CELF2: variants seen among roughly 807,000 people sequenced by gnomAD.
The protein encoded by CELF2 is CUGBP Elav-like family member 2.
In CELF2, 8 loss-of-function variants were observed where a neutral mutation model predicts 62.6. That is an observed-to-expected ratio of 0.13 (90% CI 0.07 to 0.23). The LOEUF (loss-of-function observed/expected upper bound fraction) is 0.23. Among genes scored for constraint, CELF2 ranks in the 10% least tolerant of loss-of-function variants. The pLI is 1.00. For synonymous variants in CELF2, 258 were observed against 250.0 expected, an observed-to-expected ratio of 1.03 and a Z score of -0.30; for missense variants, 333 against 671.0, an observed-to-expected ratio of 0.50 and a Z score of 5.56.
rs559712311 is a variant in CELF2, at chr10:11,279,443, C to G, written c.841+4323C>G. Among the ~76,000 whole-genome samples, 233 of 152,208 alleles carry G rather than the reference C, an allele frequency of 1.5e-3. 1 individual carries two copies. The highest frequency in any genetic ancestry group is 5.2e-3 in the African/African-American group (217 of 41,518). ...CAGTGTATCGGAGGTCTGAGAATGT[C>G]GAATTGGAGGCGCTCCCGGAGTGGT... On this transcript the variant is annotated intron_variant, in intron 8 of 12. Coordinates refer to ENST00000633077, the MANE Select transcript of CELF2 (RefSeq NM_001326342.2).
the CELF2 span, among the ~76,000 whole-genome samples, chr10:10,565,535 G>A: frequency 6.6e-6 from 1 of 152,218 alleles, no homozygotes; most frequent in Non-Finnish European, 1.5e-5. Flanking sequence ...GATGAGCAAC[G>A]CCGCTCCTTA....
chr10:11,167,561 A>G (rs75955798), intron 2 of CELF2, among the ~76,000 whole-genome samples: 1,859 of 152,330 alleles, frequency 0.012, 35 homozygotes, highest in African/African-American at 0.043. Flanking sequence ...TCAGGTAAGT[A>G]CCTATGTGTG....
At chr10:10,696,624 A>C in the CELF2 span, among the ~76,000 whole-genome samples, 1 of 151,616 alleles carries the variant, frequency 6.6e-6, no homozygotes, top group Non-Finnish European at 1.5e-5. Flanking sequence ...TTGCAGTTTG[A>C]TCTCAGACTG....
chr10:10,680,486 T>G, the CELF2 span, among the ~76,000 whole-genome samples: 2 of 152,212 alleles, frequency 1.3e-5, no homozygotes, highest in African/African-American at 4.8e-5. Flanking sequence ...AGACAGTGCT[T>G]TCTTCTCCCA....
chr10:10,495,394 A>T, the CELF2 span, among the ~76,000 whole-genome samples: 1 of 152,220 alleles, frequency 6.6e-6, no homozygotes, highest in South Asian at 2.1e-4. Context: ...ACCATGATGT[A>T]TGTGGACAGA....
the CELF2 span, among the ~76,000 whole-genome samples, chr10:10,514,190 C>G: frequency 6.6e-6 from 1 of 152,200 alleles, no homozygotes; most frequent in Non-Finnish European, 1.5e-5. Flanking sequence ...TGATTTCAAA[C>G]ACTGTAGAAT....
chr10:11,051,072 A>G (rs1341018626), intron 1 of CELF2, among the ~76,000 whole-genome samples: 1 of 152,202 alleles, frequency 6.6e-6, no homozygotes, highest in African/African-American at 2.4e-5. Context: ...GACAGATCTA[A>G]TGTTGCCTTC....
chr10:10,622,955 C>T, the CELF2 span, among the ~76,000 whole-genome samples: 1 of 151,496 alleles, frequency 6.6e-6, no homozygotes, highest in Non-Finnish European at 1.5e-5. Context: ...TGGTGGCGGG[C>T]GCCTGTAGTC....
At chr10:10,614,408 C>T in the CELF2 span, among the ~76,000 whole-genome samples, 1 of 152,104 alleles carries the variant, frequency 6.6e-6, no homozygotes, top group Non-Finnish European at 1.5e-5. Context: ...CCAGCAGCCA[C>T]ATCCGGAAGG....
At chr10:10,940,823 C>T (rs1441884962) in intron 2 of CELF2, among the ~76,000 whole-genome samples, 1 of 152,104 alleles carries the variant, frequency 6.6e-6, no homozygotes, top group Non-Finnish European at 1.5e-5. Flanking sequence ...GCTTTTCCTT[C>T]CAAAAATATA....
At chr10:10,590,272 G>A in the CELF2 span, among the ~76,000 whole-genome samples, 1 of 152,168 alleles carries the variant, frequency 6.6e-6, no homozygotes, top group African/African-American at 2.4e-5. Flanking sequence ...ATGGGGTCAA[G>A]AAAAGATTGG....
intron 4 of CELF2, among the ~76,000 whole-genome samples, chr10:11,250,693 A>G (rs1208455531): frequency 6.6e-6 from 1 of 152,270 alleles, no homozygotes; most frequent in Non-Finnish European, 1.5e-5. Flanking sequence ...TTAAGTATCC[A>G]GAAGTCACTT....
At chr10:10,474,417 T>G in the CELF2 span, among the ~76,000 whole-genome samples, 1 of 152,080 alleles carries the variant, frequency 6.6e-6, no homozygotes, top group African/African-American at 2.4e-5. Context: ...GTTGACAAAC[T>G]GTAGAAAGCC....
At chr10:11,250,957 C>T (rs2076944215) in intron 4 of CELF2, among the ~76,000 whole-genome samples, 1 of 152,222 alleles carries the variant, frequency 6.6e-6, no homozygotes. Context: ...AGCCCTTGTG[C>T]TCCAGAGGTG....
At chr10:10,634,903 A>T in the CELF2 span, among the ~76,000 whole-genome samples, 147 of 152,234 alleles carry the variant, frequency 9.7e-4, 1 homozygote, top group African/African-American at 3.2e-3. Context: ...CTTACCAGCC[A>T]AAGTCTGCTG....
intron 1 of CELF2, among the ~76,000 whole-genome samples, chr10:11,113,564 C>T (rs931405109): frequency 1.3e-5 from 2 of 152,270 alleles, no homozygotes; most frequent in East Asian, 3.9e-4. Flanking sequence ...AGAAGGTCTT[C>T]TATGTTTGCC....
At chr10:11,129,542 C>A (rs1223659487) in intron 1 of CELF2, among the ~76,000 whole-genome samples, 1 of 152,080 alleles carries the variant, frequency 6.6e-6, no homozygotes, top group Non-Finnish European at 1.5e-5. Flanking sequence ...ATTATTATTG[C>A]CTCCATTTCA....
At chr10:10,631,279 G>A in the CELF2 span, among the ~76,000 whole-genome samples, 33,517 of 152,048 alleles carry the variant, frequency 0.22, 4,382 homozygotes, top group Non-Finnish European at 0.31. Flanking sequence ...TAAAGAAAAC[G>A]CTAGTTCAAA....
rs549324871 is a variant in CELF2, at chr10:11,199,548, C to CA, written c.272-17876dup. Among the ~76,000 whole-genome samples the CA allele has an allele frequency of 2.8e-3, 429 of 152,266 alleles. 2 individuals are homozygous for CA. The highest frequency in any genetic ancestry group is 2.8e-3 in the Non-Finnish European group (192 of 68,010). The stretch of plus-strand genomic sequence containing the variant: ...AAGATGGTCAGATGTTGCCCTCTGC[C>CA]ACCACCCCTTCCCCCAAGTGTGCCT... On this transcript the variant is annotated intron_variant, in intron 2 of 12. Transcript: ENST00000633077.
Sources: allele counts gnomAD v4.1 joint callset (sites outside exome capture counted in the v4.1 genomes callset), GRCh38; gene constraint gnomAD v4.1.1; transcripts MANE v1.5; gene names NCBI Gene and HGNC (gene_info 2026-07-23, HGNC 2026-07-21).